Variants in XPO6 observed in about 807,000 individuals in gnomAD.
XPO6 encodes exportin 6.
Under a neutral mutation model 130.0 loss-of-function variants are expected in XPO6, and 3 were observed. The observed-to-expected ratio is 0.02, with a 90% CI of 0.01 to 0.06. The LOEUF (loss-of-function observed/expected upper bound fraction) is 0.06. XPO6 is among the 10% of genes least tolerant of loss of function. The pLI is 1.00. For missense variants in XPO6, 970 were observed against 1,393.0 expected (o/e 0.70, Z 4.83); for synonymous variants, 524 against 548.9 (o/e 0.95, Z 0.63).
At chr16:28,158,151 T>C (rs2043212543) in intron 6 of XPO6, among the ~76,000 whole-genome samples, 1 of 152,146 alleles carries the variant, frequency 6.6e-6, no homozygotes, top group Admixed American at 6.5e-5. Context: ...CATATTAAAA[T>C]ACATGGACAC....
At chr16:28,168,909 T>C (rs2043405247) in intron 5 of XPO6, among the ~76,000 whole-genome samples, 1 of 151,986 alleles carries the variant, frequency 6.6e-6, no homozygotes, top group South Asian at 2.1e-4. Context: ...GCCATTGCAC[T>C]AACCCAAGTT....
intron 2 of XPO6, among the ~76,000 whole-genome samples, chr16:28,178,810 G>A (rs1303686826): frequency 1.3e-5 from 2 of 151,568 alleles, no homozygotes; most frequent in Admixed American, 6.6e-5. Context: ...GCTCATGCCC[G>A]TTAATCCCAG....
chr16:28,117,020 G>A (rs2087081823), intron 15 of XPO6: 6 of 314,342 alleles, frequency 1.9e-5, no homozygotes, highest in South Asian at 1.3e-4. Context: ...TGCTTACCGC[G>A]CGAAGGAAAA....
rs530658159 is a variant in XPO6 at position 28,135,047 on chromosome 16, CA to C, written c.1443+168del. ...AAAACATTTTTTATGGTTAATAAGC[CA>C]AAAGGGACCAGCAGGAGATTAAAAA... On this transcript the variant is annotated intron_variant, in intron 10 of 23. Coordinates refer to ENST00000304658, the MANE Select transcript of XPO6 (RefSeq NM_015171.4). Among the ~76,000 whole-genome samples the C allele has an allele frequency of 6.2e-4, 95 of 152,258 alleles. No homozygotes were observed. In the East Asian group the frequency reaches 8.5e-3, roughly 14 times the overall value.
intron 15 of XPO6, 116 bp from the exon 16 acceptor site, chr16:28,113,166 G>C: frequency 7.7e-7 from 1 of 1,306,176 alleles, no homozygotes; most frequent in Non-Finnish European, 1.0e-6. Flanking sequence ...ACACCACCTA[G>C]GCCCTATCTA....
rs142437434 is a variant in XPO6 at position 28,148,357 on chromosome 16, G to A, written c.1225-2154C>T. Among the ~76,000 whole-genome samples the A allele has an allele frequency of 4.6e-3, 695 of 152,228 alleles. 6 individuals are homozygous for A. The highest frequency in any genetic ancestry group is 0.016 in the African/African-American group (666 of 41,538). The stretch of plus-strand genomic sequence containing the variant: ...AGGGCTTGTGCACTGCCCACAGGCC[G>A]CCCATGACCTGGCCTCTGATAGTTG... On this transcript the variant is annotated intron_variant, in intron 8 of 23. Transcript: ENST00000304658.
At chr16:28,138,697 T>C (rs1489423147) in intron 9 of XPO6, among the ~76,000 whole-genome samples, 1 of 152,146 alleles carries the variant, frequency 6.6e-6, no homozygotes, top group African/African-American at 2.4e-5. Flanking sequence ...AACGAGAGCC[T>C]AAAAGCAGCT....
chr16:28,129,736 A>G (rs1365085623), intron 12 of XPO6, among the ~76,000 whole-genome samples: 2 of 152,228 alleles, frequency 1.3e-5, no homozygotes, highest in African/African-American at 4.8e-5. Context: ...AAGCAGAACA[A>G]ACAATTTAAG....
In XPO6 at chr16:28,134,039, T is replaced by C; in HGVS notation, c.1444-106A>G. ...AAAATTTTGAAGAAATGGAAAATGATGGAACCAGGTTATCTGGTACTATAA... is the reference window on the plus strand; with the variant it reads ...AAAATTTTGAAGAAATGGAAAATGACGGAACCAGGTTATCTGGTACTATAA... On this transcript the variant is annotated intron_variant, in intron 10 of 23. Coordinates refer to ENST00000304658, the MANE Select transcript of XPO6 (RefSeq NM_015171.4). The C allele has an allele frequency of 8.1e-6, 9 of 1,105,566 alleles. No individual in the cohort carries two copies. The Admixed American group carries it at 1.7e-4, about 20-fold the overall frequency. 68.5% of individuals were successfully genotyped at this position (1,105,566 alleles called of 1,614,324 possible).
At chr16:28,182,495 AATG>A (rs1194480429) in intron 1 of XPO6, among the ~76,000 whole-genome samples, 1 of 152,146 alleles carries the variant, frequency 6.6e-6, no homozygotes, top group African/African-American at 2.4e-5. Flanking sequence ...CGACACACTG[AATG>A]ATGAATTATT....
chr16:28,158,153 C>G lies in XPO6; in HGVS notation c.644-1626G>C, dbSNP rs115957056. Among the ~76,000 whole-genome samples, 685 of 152,244 alleles carry G rather than the reference C, an allele frequency of 4.5e-3. 6 individuals carry two copies. The highest frequency in any genetic ancestry group is 0.016 in the African/African-American group (665 of 41,532). ...ACTATACCACTTACATATTAAAATA[C>G]ATGGACACAAAACAGTAAGTTCTTA... On this transcript the variant is annotated intron_variant, in intron 6 of 23. Coordinates refer to ENST00000304658, the MANE Select transcript of XPO6 (RefSeq NM_015171.4).
At chr16:28,189,235 C>T (rs940065042) in intron 1 of XPO6, among the ~76,000 whole-genome samples, 1 of 146,834 alleles carries the variant, frequency 6.8e-6, no homozygotes, top group Non-Finnish European at 1.5e-5. Context: ...CACGAGCCAC[C>T]GCGCCCAGCT....
intron 8 of XPO6, among the ~76,000 whole-genome samples, chr16:28,151,770 G>A (rs1249751432): frequency 2.0e-5 from 3 of 152,208 alleles, no homozygotes; most frequent in Non-Finnish European, 4.4e-5. Flanking sequence ...GCTCACGCCT[G>A]TAACACTGGC....
At chr16:28,134,650 G>A (rs2042740874) in intron 10 of XPO6, among the ~76,000 whole-genome samples, 1 of 152,142 alleles carries the variant, frequency 6.6e-6, no homozygotes, top group African/African-American at 2.4e-5. Context: ...GAGAAGAGCA[G>A]CAGTTATTTG....
intron 6 of XPO6, among the ~76,000 whole-genome samples, chr16:28,165,117 T>C (rs2043336416): frequency 6.6e-6 from 1 of 152,098 alleles, no homozygotes; most frequent in African/African-American, 2.4e-5. Flanking sequence ...CCTGGGAGGC[T>C]GAAATGGGAG....
At chr16:28,197,093 A>T (rs1399880016) in intron 1 of XPO6, among the ~76,000 whole-genome samples, 1 of 152,180 alleles carries the variant, frequency 6.6e-6, no homozygotes, top group Non-Finnish European at 1.5e-5. Context: ...CTCTACTAAA[A>T]ATACAAAAAT....
chr16:28,152,545 T>C (rs1184657932), intron 8 of XPO6, 114 bp downstream of exon 8: 68 of 1,280,754 alleles, frequency 5.3e-5, no homozygotes, highest in East Asian at 2.6e-4. Flanking sequence ...CTTCACATAA[T>C]AAGCATTATA....
intron 10 of XPO6, 31 bp downstream of exon 10, chr16:28,135,185 G>A (rs529570013): frequency 2.0e-5 from 32 of 1,582,406 alleles, no homozygotes; most frequent in East Asian, 6.8e-5. Context: ...ACATGACAGC[G>A]ACAAAAAATC....
chr16:28,162,098 T>C (rs768107297), intron 6 of XPO6, among the ~76,000 whole-genome samples: 16 of 152,182 alleles, frequency 1.1e-4, no homozygotes, highest in Non-Finnish European at 1.9e-4. Flanking sequence ...AAAAACTGTT[T>C]AGGTGGATAT....
Sources: allele counts gnomAD v4.1 joint callset (sites outside exome capture counted in the v4.1 genomes callset), GRCh38; gene constraint gnomAD v4.1.1; transcripts MANE v1.5; gene names NCBI Gene and HGNC (gene_info 2026-07-23, HGNC 2026-07-21).